SGCZ: variants seen among roughly 807,000 people sequenced by gnomAD.
The protein encoded by SGCZ is zeta-sarcoglycan.
A neutral mutation model predicts 41.3 loss-of-function variants in SGCZ; 40 were observed. The observed-to-expected ratio is 0.97, with a 90% CI of 0.75 to 1.26. The LOEUF is 1.26. SGCZ is among the 50% of genes most tolerant of loss of function. The pLI, the probability that SGCZ is intolerant of heterozygous loss-of-function variation, is 0.00. For missense variants in SGCZ, 552 were observed against 369.8 expected (o/e 1.49, Z -4.04); for synonymous variants, 206 against 137.5 (o/e 1.50, Z -3.49).
intron 1 of SGCZ, among the ~76,000 whole-genome samples, chr8:15,012,821 G>A (rs891022179): frequency 6.7e-6 from 1 of 150,130 alleles, no homozygotes; most frequent in African/African-American, 2.4e-5. Flanking sequence ...ACGTATACAA[G>A]AATCACTGCT....
At chr8:14,863,276 G>A (rs542716295) in intron 1 of SGCZ, among the ~76,000 whole-genome samples, 65 of 152,110 alleles carry the variant, frequency 4.3e-4, no homozygotes, top group Non-Finnish European at 8.5e-4. Flanking sequence ...TATGTAACTA[G>A]CTAAGAAATA....
At chr8:15,137,655 C>T (rs1464231146) in intron 1 of SGCZ, among the ~76,000 whole-genome samples, 1 of 105,674 alleles carries the variant, frequency 9.5e-6, no homozygotes, top group Non-Finnish European at 1.9e-5. Context: ...ATCCCCAAGC[C>T]TTGGCACCTT....
intron 1 of SGCZ, among the ~76,000 whole-genome samples, chr8:14,899,269 T>C (rs554620288): frequency 1.3e-5 from 2 of 152,178 alleles, no homozygotes; most frequent in Non-Finnish European, 1.5e-5. Flanking sequence ...TTGCCGGCAA[T>C]CCCTTCTTCC....
At chr8:14,793,937 C>A (rs993257214) in intron 1 of SGCZ, among the ~76,000 whole-genome samples, 1 of 152,102 alleles carries the variant, frequency 6.6e-6, no homozygotes, top group African/African-American at 2.4e-5. Context: ...CTGGTTCTCC[C>A]ACTTGGCTTC....
chr8:14,266,788 C>G (rs886287473), intron 3 of SGCZ, among the ~76,000 whole-genome samples: 5 of 151,888 alleles, frequency 3.3e-5, no homozygotes, highest in African/African-American at 1.2e-4. Flanking sequence ...GAGGTAAAAA[C>G]GAAGTAAATT....
intron 1 of SGCZ, among the ~76,000 whole-genome samples, chr8:14,899,324 T>A (rs923387113): frequency 6.6e-6 from 1 of 152,204 alleles, no homozygotes; most frequent in African/African-American, 2.4e-5. Flanking sequence ...TCTTCTTCCA[T>A]CTGTCCAATA....
chr8:14,422,225 G>C (rs375818470), intron 2 of SGCZ, among the ~76,000 whole-genome samples: 1 of 152,062 alleles, frequency 6.6e-6, no homozygotes, highest in Non-Finnish European at 1.5e-5. Flanking sequence ...AGAAATACAA[G>C]ATTAAATAAA....
chr8:14,791,784 C>T (rs1350186613), intron 1 of SGCZ, among the ~76,000 whole-genome samples: 1 of 152,164 alleles, frequency 6.6e-6, no homozygotes, highest in Non-Finnish European at 1.5e-5. Flanking sequence ...TTCCAATGAG[C>T]AGTTCTGAAT....
At chr8:14,393,236 G>T (rs1563299980) in intron 2 of SGCZ, among the ~76,000 whole-genome samples, 1 of 152,056 alleles carries the variant, frequency 6.6e-6, no homozygotes, top group Non-Finnish European at 1.5e-5. Flanking sequence ...CCTCAGTAAG[G>T]CTTTTCTCTT....
chr8:14,318,159 AAAAG>A (rs974840978), intron 3 of SGCZ, among the ~76,000 whole-genome samples: 73 of 151,646 alleles, frequency 4.8e-4, no homozygotes, highest in Middle Eastern at 3.4e-3. Flanking sequence ...TTGGTTTTTC[AAAAG>A]AAAGAAAGAA....
chr8:14,543,823 A>G (rs1193479055), intron 2 of SGCZ, among the ~76,000 whole-genome samples: 15 of 152,286 alleles, frequency 9.8e-5, no homozygotes, highest in Non-Finnish European at 4.4e-5. Context: ...GCATTTTCGG[A>G]CTGAGTTCAA....
At chr8:14,120,383 G>A (rs73520399) in intron 5 of SGCZ, among the ~76,000 whole-genome samples, 1 of 151,970 alleles carries the variant, frequency 6.6e-6, no homozygotes, top group Admixed American at 6.6e-5. Context: ...GAAGTTGTCA[G>A]GTACAACATA....
chr8:14,641,582 A>G (rs1412791113), intron 1 of SGCZ, among the ~76,000 whole-genome samples: 1 of 151,638 alleles, frequency 6.6e-6, no homozygotes, highest in Non-Finnish European at 1.5e-5. Flanking sequence ...AAAACAACAT[A>G]TTATATTTAA....
intron 1 of SGCZ, among the ~76,000 whole-genome samples, chr8:14,799,427 G>A (rs1297962864): frequency 6.6e-6 from 1 of 151,968 alleles, no homozygotes; most frequent in East Asian, 1.9e-4. Context: ...AGTATCTGAT[G>A]GAGAGTACAT....
At chr8:14,849,834 G>A (rs1287660786) in intron 1 of SGCZ, among the ~76,000 whole-genome samples, 1 of 151,984 alleles carries the variant, frequency 6.6e-6, no homozygotes, top group Non-Finnish European at 1.5e-5. Context: ...AATTCAAATT[G>A]GAAATTATAG....
chr8:14,273,987 T>C (rs1215396408), intron 3 of SGCZ, among the ~76,000 whole-genome samples: 2 of 151,970 alleles, frequency 1.3e-5, no homozygotes, highest in Admixed American at 6.6e-5. Flanking sequence ...ACAAATGGTC[T>C]CCTTCCCTCC....
chr8:14,182,846 C>T (rs1035741585), intron 4 of SGCZ, among the ~76,000 whole-genome samples: 34 of 151,758 alleles, frequency 2.2e-4, no homozygotes, highest in African/African-American at 8.0e-4. Context: ...CCCATCTCTA[C>T]TAAAAATACA....
intron 1 of SGCZ, among the ~76,000 whole-genome samples, chr8:15,048,083 C>T (rs1158432207): frequency 6.6e-6 from 1 of 151,980 alleles, no homozygotes; most frequent in Non-Finnish European, 1.5e-5. Context: ...TGGAGTCAAT[C>T]TACCATTCAT....
At position 14,712,220 on chromosome 8, in the gene SGCZ, A is replaced by C. The variant is rs1302258902; in HGVS notation, c.40-157294T>G. Among the ~76,000 whole-genome samples the C allele has an allele frequency of 2.6e-5, 4 of 152,350 alleles. No individual in the cohort carries two copies. In the East Asian group the frequency reaches 5.8e-4, roughly 22 times the overall value. ...GTATTTTCATGATCTTGCTTTTGAG[A>C]ATACCTTATAAAAGTATTCCCCCTC... On this transcript the variant is annotated intron_variant, in intron 1 of 7. Coordinates refer to ENST00000382080, the MANE Select transcript of SGCZ (RefSeq NM_139167.4).
Sources: gnomAD v4.1 joint callset for allele counts (sites outside exome capture counted in the v4.1 genomes callset) on GRCh38, gnomAD v4.1.1 for gene constraint, MANE v1.5 for transcripts, NCBI Gene and HGNC (gene_info 2026-07-23, HGNC 2026-07-21) for gene names.